Variants in CPA6 observed in about 807,000 individuals in gnomAD.
CPA6 encodes carboxypeptidase A6.
Under a neutral mutation model 63.3 loss-of-function variants are expected in CPA6, and 58 were observed. That is an observed-to-expected ratio of 0.92 (90% CI 0.74 to 1.14). CPA6 has a LOEUF of 1.14. CPA6 is among the 50% of genes most tolerant of loss of function. CPA6 has a pLI of 0.00. For missense variants in CPA6, 565 were observed against 526.6 expected (o/e 1.07, Z -0.71); for synonymous variants, 185 against 179.0 (o/e 1.03, Z -0.27).
chr8:67,475,767 C>T (rs868259002), intron 8 of CPA6, among the ~76,000 whole-genome samples: 13 of 71,674 alleles, frequency 1.8e-4, no homozygotes, highest in African/African-American at 5.8e-4. Flanking sequence ...TTCTTTCTTT[C>T]TCTTTCTTTC....
At chr8:67,552,741 C>A (rs1355757271) in intron 2 of CPA6, among the ~76,000 whole-genome samples, 1 of 124,922 alleles carries the variant, frequency 8.0e-6, no homozygotes, top group Non-Finnish European at 1.6e-5. Context: ...GGTGCCACTG[C>A]ACTCCAGCCT....
intron 8 of CPA6, among the ~76,000 whole-genome samples, chr8:67,438,641 C>T (rs951160250): frequency 1.3e-5 from 2 of 152,100 alleles, no homozygotes; most frequent in Non-Finnish European, 2.9e-5. Flanking sequence ...ATATCTACAG[C>T]GATATGAGAA....
At chr8:67,631,987 C>G (rs1037805793) in intron 1 of CPA6, among the ~76,000 whole-genome samples, 6 of 152,188 alleles carry the variant, frequency 3.9e-5, no homozygotes, top group South Asian at 2.1e-4. Flanking sequence ...CCTTTAAGAA[C>G]TGTAACACTC....
intron 1 of CPA6, among the ~76,000 whole-genome samples, chr8:67,716,552 A>T (rs1817386117): frequency 7.2e-6 from 1 of 139,822 alleles, no homozygotes; most frequent in Admixed American, 7.0e-5. Context: ...TTAGTGAAAC[A>T]ATAGGGCAGA....
intron 10 of CPA6, among the ~76,000 whole-genome samples, 190 bp downstream of exon 10, chr8:67,427,857 G>A (rs1038479545): frequency 2.0e-5 from 3 of 152,172 alleles, no homozygotes; most frequent in African/African-American, 7.2e-5. Flanking sequence ...TTATTTAAAT[G>A]GGTACAGTGA....
In CPA6 at chr8:67,518,146, C is replaced by T. The variant is rs903492965; in HGVS notation, c.193-99G>A. On this transcript the variant is annotated intron_variant, in intron 2 of 10. Transcript: ENST00000297770. ...ATTCTTTTGTTTGCATATAGTAACA[C>T]CAAACATATTTTGGAATTAGACTTA... 22 of 1,156,570 alleles carry T rather than the reference C, an allele frequency of 1.9e-5. No homozygotes were observed. The South Asian group carries it at 4.6e-4, about 24-fold the overall frequency. 71.6% of individuals were successfully genotyped at this position (1,156,570 alleles called of 1,614,324 possible).
chr8:67,475,889 T>TCTTTCTTTCTC, intron 8 of CPA6, among the ~76,000 whole-genome samples: 1 of 54,608 alleles, frequency 1.8e-5, no homozygotes, highest in Non-Finnish European at 3.6e-5. Context: ...CTCCTTTCTT[T>TCTTTCTTTCTC]CTTTCTTTCT....
Position 67,681,366 on chromosome 8 carries a change from T to C in CPA6, c.117-57115A>G, listed in dbSNP as rs796943322. Among the ~76,000 whole-genome samples, 115 of 149,868 alleles carry C rather than the reference T, an allele frequency of 7.7e-4. 1 individual carries two copies. Among genetic ancestry groups the C allele is most frequent in the Non-Finnish European group, 1.3e-3 (90 of 67,556 alleles). On this transcript the variant is annotated intron_variant, in intron 1 of 10. Transcript: ENST00000297770. ...CTGGGACTACAGGCGCCCGCCACCG[T>C]GCCCGGCTAATTTTTTGTATTTTTA... is the stretch of plus-strand genomic sequence containing the variant.
intron 1 of CPA6, among the ~76,000 whole-genome samples, chr8:67,685,275 G>A (rs1044242018): frequency 6.6e-6 from 1 of 152,020 alleles, no homozygotes; most frequent in Admixed American, 6.6e-5. Context: ...TCCTGATGTC[G>A]CTAGCCCAGT....
At chr8:67,685,484 T>G (rs2128996557) in intron 1 of CPA6, among the ~76,000 whole-genome samples, 1 of 152,244 alleles carries the variant, frequency 6.6e-6, no homozygotes, top group Admixed American at 6.5e-5. Flanking sequence ...CCGGGCATGG[T>G]GGCGGGCGCC....
intron 2 of CPA6, among the ~76,000 whole-genome samples, chr8:67,547,999 C>T (rs1344688365): frequency 6.6e-6 from 1 of 152,150 alleles, no homozygotes; most frequent in Admixed American, 6.5e-5. Context: ...ATGTGATGCT[C>T]AGGAAAATCT....
intron 1 of CPA6, among the ~76,000 whole-genome samples, chr8:67,712,841 C>T (rs914376997): frequency 6.6e-5 from 10 of 151,638 alleles, no homozygotes; most frequent in African/African-American, 2.2e-4. Flanking sequence ...ATCATCCCTT[C>T]GTCCAGCATC....
At chr8:67,490,826 A>G (rs978144220) in intron 6 of CPA6, among the ~76,000 whole-genome samples, 1 of 150,978 alleles carries the variant, frequency 6.6e-6, no homozygotes, top group Non-Finnish European at 1.5e-5. Flanking sequence ...CTCCTTTTCA[A>G]TGCTTTCGGA....
chr8:67,653,354 T>C (rs1815894815), intron 1 of CPA6, among the ~76,000 whole-genome samples: 1 of 152,192 alleles, frequency 6.6e-6, no homozygotes, highest in African/African-American at 2.4e-5. Flanking sequence ...TTTCACGATA[T>C]TGATTCTTCC....
chr8:67,489,386 G>A (rs931447392), intron 6 of CPA6, among the ~76,000 whole-genome samples: 3 of 151,952 alleles, frequency 2.0e-5, no homozygotes, highest in African/African-American at 7.3e-5. Context: ...CATTCTATAT[G>A]TCTATCAAGA....
intron 1 of CPA6, among the ~76,000 whole-genome samples, chr8:67,649,101 A>G (rs1815779221): frequency 6.6e-6 from 1 of 151,922 alleles, no homozygotes. Flanking sequence ...AGTGCAAGGC[A>G]TTGGATTTTT....
intron 6 of CPA6, among the ~76,000 whole-genome samples, chr8:67,493,968 C>T (rs2128962739): frequency 6.6e-6 from 1 of 152,234 alleles, no homozygotes; most frequent in East Asian, 1.9e-4. Context: ...AATTCAACTG[C>T]TGATTCTAAA....
rs185791511 is a variant in CPA6, at chr8:67,499,919, C to T, written c.636+6868G>A. Among the ~76,000 whole-genome samples the T allele has an allele frequency of 2.2e-3, 339 of 152,224 alleles. 2 individuals are homozygous for T. The highest frequency in any genetic ancestry group is 3.1e-3 in the Non-Finnish European group (210 of 68,008). On this transcript the variant is annotated intron_variant, in intron 6 of 10. Transcript: ENST00000297770. Reference sequence around the variant, plus strand: ...CTGTTGATGGATACCTGGGTTGTTTCCAGTTTTGGGCTACTAAAAATAAAG... The same window carrying T: ...CTGTTGATGGATACCTGGGTTGTTTTCAGTTTTGGGCTACTAAAAATAAAG...
At chr8:67,448,601 C>T (rs1810482001) in intron 8 of CPA6, among the ~76,000 whole-genome samples, 2 of 120,888 alleles carry the variant, frequency 1.7e-5, no homozygotes, top group Non-Finnish European at 3.2e-5. Context: ...CACTGCATTC[C>T]AGCCTGGGTG....
Sources: gnomAD v4.1 joint callset for allele counts (sites outside exome capture counted in the v4.1 genomes callset) on GRCh38, gnomAD v4.1.1 for gene constraint, MANE v1.5 for transcripts, NCBI Gene and HGNC (gene_info 2026-07-23, HGNC 2026-07-21) for gene names.